SH2D4B: variants seen among roughly 807,000 people sequenced by gnomAD.
The protein encoded by SH2D4B is SH2 domain-containing protein 4B.
Under a neutral mutation model 61.5 loss-of-function variants are expected in SH2D4B, and 45 were observed. The observed-to-expected ratio is 0.73, with a 90% CI of 0.58 to 0.94. The LOEUF (loss-of-function observed/expected upper bound fraction) is 0.94, where lower values mean the gene tolerates loss of function less well. SH2D4B is among the 40% of genes least tolerant of loss of function. SH2D4B has a pLI of 0.00. For missense variants in SH2D4B, 572 were observed against 574.2 expected, an observed-to-expected ratio of 1.00 and a Z score of 0.04; for synonymous variants, 224 against 220.4, an observed-to-expected ratio of 1.02 and a Z score of -0.14.
chr10:80,635,307 G>C (rs557182477), intron 7 of SH2D4B, among the ~76,000 whole-genome samples: 1 of 152,348 alleles, frequency 6.6e-6, no homozygotes, highest in Non-Finnish European at 1.5e-5. Flanking sequence ...AAAGCCAGAG[G>C]TGGAACTCAG....
chr10:80,575,311 T>TGATGATATTTA (rs1564772598), intron 3 of SH2D4B, among the ~76,000 whole-genome samples: 1 of 152,016 alleles, frequency 6.6e-6, no homozygotes, highest in Non-Finnish European at 1.5e-5. Context: ...TTAAAGGAAG[T>TGATGATATTTA]CATGGATGAT....
At chr10:80,603,513 C>A in intron 4 of SH2D4B, 66 bp from the exon 5 acceptor site, 1 of 1,395,118 alleles carries the variant, frequency 7.2e-7, no homozygotes, top group Middle Eastern at 2.6e-4. Context: ...TACTTCCTGT[C>A]CCAGCTGGCG....
chr10:80,633,803 A>C (rs1193837704), intron 6 of SH2D4B, among the ~76,000 whole-genome samples: 2 of 152,186 alleles, frequency 1.3e-5, no homozygotes, highest in Admixed American at 6.5e-5. Flanking sequence ...AAGTCTTTTT[A>C]CTTTTTAAGG....
chr10:80,540,779 G>T, intron 1 of SH2D4B: 1 of 1,534,618 alleles, frequency 6.5e-7, no homozygotes, highest in Non-Finnish European at 8.8e-7. Context: ...GGATCATAGG[G>T]AACACAGCCA....
chr10:80,598,306 C>T (rs889792713), intron 4 of SH2D4B, among the ~76,000 whole-genome samples: 11 of 152,184 alleles, frequency 7.2e-5, no homozygotes, highest in South Asian at 6.2e-4. Flanking sequence ...CACAATGGGA[C>T]GGAAAGTTAA....
intron 1 of SH2D4B, among the ~76,000 whole-genome samples, chr10:80,552,674 A>G (rs1261633065): frequency 2.0e-5 from 3 of 152,200 alleles, no homozygotes; most frequent in Non-Finnish European, 4.4e-5. Flanking sequence ...TCCCTCTGCT[A>G]TCTCTCCGAG....
intron 1 of SH2D4B, among the ~76,000 whole-genome samples, chr10:80,559,849 C>T (rs1047680735): frequency 6.6e-6 from 1 of 151,780 alleles, no homozygotes; most frequent in African/African-American, 2.4e-5. Flanking sequence ...TGTTCCTAGG[C>T]TGGTCTCAAA....
chr10:80,643,015 AG>A (rs1225395072), intron 7 of SH2D4B: 5 of 152,760 alleles, frequency 3.3e-5, no homozygotes, highest in African/African-American at 1.2e-4. Context: ...ACTGATGCTG[AG>A]GATCTTTTCA....
intron 7 of SH2D4B, 30 bp downstream of exon 7, chr10:80,634,535 G>A: frequency 6.5e-7 from 1 of 1,544,440 alleles, no homozygotes; most frequent in Non-Finnish European, 8.7e-7. Context: ...TAATGGGGGG[G>A]AGGGGGAACT....
chr10:80,566,090 C>CAAAAAAAAAA (rs60774703), intron 1 of SH2D4B, among the ~76,000 whole-genome samples: 1 of 23,806 alleles, frequency 4.2e-5, no homozygotes, highest in African/African-American at 1.7e-4. Context: ...GACTCCGGCT[C>CAAAAAAAAAA]AAAAAAAAAA....
rs2132144600 is a variant in SH2D4B, at chr10:80,609,571, C to A, written c.988+20C>A. ...TCCATGGTAGCACCATTTTTCTGGG[C>A]CCTGTGCCAGATGATTTCCACATCT... On this transcript the variant is annotated intron_variant, in intron 6 of 7. Coordinates refer to ENST00000646907, the MANE Select transcript of SH2D4B (RefSeq NM_001388272.1). 1.2e-6 allele frequency: 2 copies of A among 1,613,584 alleles called. No homozygotes were observed. The highest frequency in any genetic ancestry group is 4.5e-5 in the East Asian group (2 of 44,874).
chr10:80,551,688 AGGACCCAG>A (rs2132106899), intron 1 of SH2D4B, among the ~76,000 whole-genome samples: 1 of 152,352 alleles, frequency 6.6e-6, no homozygotes, highest in South Asian at 2.1e-4. Flanking sequence ...CATGTTAATG[AGGACCCAG>A]GGAAAGAGAT....
At chr10:80,602,324 A>G (rs1842459602) in intron 4 of SH2D4B, among the ~76,000 whole-genome samples, 1 of 152,156 alleles carries the variant, frequency 6.6e-6, no homozygotes, top group South Asian at 2.1e-4. Context: ...TTAGATGGGC[A>G]TGGTGGCGCA....
At chr10:80,577,404 A>G (rs1297741082) in intron 3 of SH2D4B, among the ~76,000 whole-genome samples, 1 of 151,646 alleles carries the variant, frequency 6.6e-6, no homozygotes, top group Non-Finnish European at 1.5e-5. Context: ...ATAAAATGGT[A>G]GTTGTTTTAG....
At chr10:80,606,436 T>C (rs894512893) in intron 5 of SH2D4B, among the ~76,000 whole-genome samples, 9 of 152,118 alleles carry the variant, frequency 5.9e-5, no homozygotes, top group Admixed American at 1.3e-4. Context: ...AACCTCTGCC[T>C]CCCAGGTTCA....
intron 1 of SH2D4B, among the ~76,000 whole-genome samples, chr10:80,557,668 C>T (rs1269767228): frequency 2.0e-5 from 3 of 152,122 alleles, no homozygotes; most frequent in Non-Finnish European, 4.4e-5. Context: ...ATTCCCTTGT[C>T]TGTAGGATCT....
Position 80,603,641 on chromosome 10 carries a change from T to C in SH2D4B, c.706T>C (p.Tyr236His), listed in dbSNP as rs1193136844. Residue 236 changes from tyrosine to histidine, a missense_variant, in exon 5 of 8, where the codon TAC becomes CAC. Transcript: ENST00000646907. ...SRRAQRARDEYRHHSLRAIQK... is the reference protein window; with the variant it reads ...SRRAQRARDEHRHHSLRAIQK... ...CCGAGCCCAGCGCGCCCGGGACGAG[T>C]ACCGACACCACTCGCTCCGTGCTAT... The C allele has an allele frequency of 5.6e-6, 9 of 1,601,320 alleles. No homozygotes were observed. The highest frequency in any genetic ancestry group is 1.1e-5 in the South Asian group (1 of 88,772).
intron 1 of SH2D4B, among the ~76,000 whole-genome samples, chr10:80,543,124 G>C (rs867935459): frequency 6.6e-6 from 1 of 152,090 alleles, no homozygotes; most frequent in Non-Finnish European, 1.5e-5. Context: ...GCCCTCTCTC[G>C]CTCTCGGTGC....
intron 1 of SH2D4B, among the ~76,000 whole-genome samples, chr10:80,561,928 T>G (rs1282905118): frequency 2.6e-5 from 4 of 152,128 alleles, no homozygotes; most frequent in Middle Eastern, 3.4e-3. Flanking sequence ...TGCAACAGAC[T>G]GAATGCAGGA....
Sources: gnomAD v4.1 joint callset for allele counts (sites outside exome capture counted in the v4.1 genomes callset) on GRCh38, gnomAD v4.1.1 for gene constraint, MANE v1.5 for transcripts, NCBI Gene and HGNC (gene_info 2026-07-23, HGNC 2026-07-21) for gene names.